The following SMYD3 variants were observed in gnomAD, a reference collection of about 807,000 sequenced individuals.
SMYD3 encodes the protein histone-lysine N-methyltransferase SMYD3.
In SMYD3, 36 loss-of-function variants were observed where a neutral mutation model predicts 57.7. That is an observed-to-expected ratio of 0.62 (90% CI 0.48 to 0.82). The LOEUF is 0.82. SMYD3 is among the 40% of genes least tolerant of loss of function. The pLI is 0.00. For missense variants in SMYD3, 515 were observed against 538.8 expected (o/e 0.96, Z 0.44); for synonymous variants, 211 against 195.0 (o/e 1.08, Z -0.68).
chr1:246,116,810 A>G (rs1024701745), intron 5 of SMYD3, among the ~76,000 whole-genome samples: 1 of 152,228 alleles, frequency 6.6e-6, no homozygotes, highest in African/African-American at 2.4e-5. Flanking sequence ...CATGAAACCA[A>G]TCAGTCAGCT....
intron 5 of SMYD3, among the ~76,000 whole-genome samples, chr1:246,248,698 G>A (rs2063750463): frequency 7.1e-6 from 1 of 141,420 alleles, no homozygotes; most frequent in Admixed American, 7.4e-5. Context: ...CTGGAGTGCA[G>A]TGGTGCAATC....
At chr1:246,306,407 A>C (rs2064980039) in intron 5 of SMYD3, among the ~76,000 whole-genome samples, 1 of 152,220 alleles carries the variant, frequency 6.6e-6, no homozygotes, top group Non-Finnish European at 1.5e-5. Flanking sequence ...TTGAAATAAA[A>C]AAAAAATTAG....
At chr1:246,139,250 CA>C (rs1022540201) in intron 5 of SMYD3, among the ~76,000 whole-genome samples, 11 of 151,864 alleles carry the variant, frequency 7.2e-5, no homozygotes, top group Non-Finnish European at 1.2e-4. Flanking sequence ...CTCAATGGAC[CA>C]AAAAATGTTT....
intron 10 of SMYD3, among the ~76,000 whole-genome samples, chr1:245,796,089 T>C (rs1432398821): frequency 1.3e-5 from 2 of 152,144 alleles, no homozygotes; most frequent in African/African-American, 2.4e-5. Context: ...TTGACAGTGG[T>C]GCTGCCTACA....
At chr1:246,441,480 T>A (rs7525962) in intron 1 of SMYD3, among the ~76,000 whole-genome samples, 3,525 of 152,302 alleles carry the variant, frequency 0.023, 141 homozygotes, top group African/African-American at 0.08. Flanking sequence ...TCACTCCTTT[T>A]CGGATTATCA....
chr1:246,342,474 C>A (rs1380181143), intron 2 of SMYD3, among the ~76,000 whole-genome samples: 1 of 152,124 alleles, frequency 6.6e-6, no homozygotes, highest in African/African-American at 2.4e-5. Flanking sequence ...CAGATGCAGG[C>A]AGATCTGAAA....
intron 10 of SMYD3, among the ~76,000 whole-genome samples, chr1:245,765,708 C>T (rs978129768): frequency 6.6e-6 from 1 of 152,108 alleles, no homozygotes; most frequent in African/African-American, 2.4e-5. Flanking sequence ...CATATCCCAA[C>T]CGTCAGAGAG....
chr1:246,413,099 C>T (rs1012774237), intron 1 of SMYD3, among the ~76,000 whole-genome samples: 1 of 152,102 alleles, frequency 6.6e-6, no homozygotes, highest in African/African-American at 2.4e-5. Flanking sequence ...AATTCTATTA[C>T]ATCATGCTAC....
At chr1:245,864,871 A>T (rs1292056219) in intron 8 of SMYD3, among the ~76,000 whole-genome samples, 1 of 152,202 alleles carries the variant, frequency 6.6e-6, no homozygotes, top group Non-Finnish European at 1.5e-5. Context: ...ATAAAGTACA[A>T]CTACACCCAT....
At chr1:246,472,188 G>A (rs769557494) in intron 1 of SMYD3, among the ~76,000 whole-genome samples, 6 of 151,958 alleles carry the variant, frequency 3.9e-5, no homozygotes, top group East Asian at 3.9e-4. Context: ...AAATCCACCC[G>A]CCTAGCACCC....
chr1:246,201,497 GC>G (rs1368371130), intron 5 of SMYD3, among the ~76,000 whole-genome samples: 1 of 152,112 alleles, frequency 6.6e-6, no homozygotes, highest in Non-Finnish European at 1.5e-5. Flanking sequence ...ATTTAATTAG[GC>G]CATCAAAAAC....
At chr1:246,490,001 CTTTTT>C (rs71968916) in intron 1 of SMYD3, among the ~76,000 whole-genome samples, 2 of 92,312 alleles carry the variant, frequency 2.2e-5, no homozygotes, top group Non-Finnish European at 4.2e-5. Context: ...TAATTTTTTC[CTTTTT>C]TTTTTTTTTT....
intron 1 of SMYD3, among the ~76,000 whole-genome samples, chr1:246,417,954 C>A (rs1442685908): frequency 6.6e-6 from 1 of 152,212 alleles, no homozygotes; most frequent in Non-Finnish European, 1.5e-5. Flanking sequence ...AGCAGATAGT[C>A]AGCTTCTGGG....
At chr1:246,325,028 A>T in intron 5 of SMYD3, among the ~76,000 whole-genome samples, 1 of 52,940 alleles carries the variant, frequency 1.9e-5, no homozygotes, top group Non-Finnish European at 3.5e-5. Flanking sequence ...AGCGGGAAGG[A>T]GGGAGAAGGA....
chr1:246,021,268 G>C (rs1405464015), intron 5 of SMYD3, among the ~76,000 whole-genome samples: 2 of 152,208 alleles, frequency 1.3e-5, no homozygotes, highest in African/African-American at 4.8e-5. Context: ...GAGGAGCTTT[G>C]AAGCCTTCTG....
chr1:246,333,459 T>C (rs567093389), intron 3 of SMYD3, among the ~76,000 whole-genome samples: 7 of 152,194 alleles, frequency 4.6e-5, no homozygotes, highest in African/African-American at 7.2e-5. Context: ...ATGGAGTAAA[T>C]AGACAACTTA....
chr1:245,863,946 T>C (rs2051690767), intron 8 of SMYD3, 60 bp from the exon 9 acceptor site: 38 of 1,457,604 alleles, frequency 2.6e-5, no homozygotes, highest in Non-Finnish European at 3.7e-5. Context: ...AGGACGTGAA[T>C]AGACCTTTCT....
At chr1:245,964,268 C>G (rs1030620240) in intron 5 of SMYD3, among the ~76,000 whole-genome samples, 6 of 152,172 alleles carry the variant, frequency 3.9e-5, no homozygotes, top group African/African-American at 1.4e-4. Flanking sequence ...CCCCCATGAT[C>G]CAAAACCTCC....
chr1:246,330,416 C>T, intron 4 of SMYD3, 64 bp downstream of exon 4: 1 of 1,285,112 alleles, frequency 7.8e-7, no homozygotes, highest in Non-Finnish European at 1.1e-6. Flanking sequence ...AAAATAAATC[C>T]ATTCACCAAC....
Sources: gnomAD v4.1 joint callset for allele counts (sites outside exome capture counted in the v4.1 genomes callset) on GRCh38, gnomAD v4.1.1 for gene constraint, MANE v1.5 for transcripts, NCBI Gene and HGNC (gene_info 2026-07-23, HGNC 2026-07-21) for gene names.